Variants in RBP2 observed in about 807,000 individuals in gnomAD.
RBP2 encodes the protein retinol-binding protein 2.
In RBP2, 17 loss-of-function variants were observed where a neutral mutation model predicts 17.0. The observed-to-expected ratio is 1.00, with a 90% CI of 0.68 to 1.50. The LOEUF (loss-of-function observed/expected upper bound fraction) is 1.50. RBP2 is among the 40% of genes most tolerant of loss of function. The pLI is 0.00. For missense variants in RBP2, 158 were observed against 168.2 expected (o/e 0.94, Z 0.33); for synonymous variants, 48 against 57.1 (o/e 0.84, Z 0.72).
intron 2 of RBP2, among the ~76,000 whole-genome samples, chr3:139,460,647 C>T (rs1933154693): frequency 6.6e-6 from 1 of 152,136 alleles, no homozygotes; most frequent in Non-Finnish European, 1.5e-5. Flanking sequence ...GTGTGAGAGT[C>T]TCTGGGTAGT....
chr3:139,459,299 TAACCCCAGC>T (rs1933099848), intron 2 of RBP2, among the ~76,000 whole-genome samples: 1 of 151,844 alleles, frequency 6.6e-6, no homozygotes, highest in Non-Finnish European at 1.5e-5. Context: ...CTCACGCCTG[TAACCCCAGC>T]AGTTTTGGAG....
In RBP2 at chr3:139,462,188, C is replaced by G; in HGVS notation, c.176G>C (p.Arg59Pro). ...NFKTKTTSTF[R>P]NYDVDFTVGV... The stretch of plus-strand genomic sequence containing the variant: ...AACAGTGAAATCCACATCATAGTTG[C>G]GGAATGTGCTAGTGGTTTTTGTCTT... The change falls in exon 2 of 4, where the codon CGC (arginine) becomes CCC (proline). Residue 59 changes from arginine (R) to proline (P), a missense_variant. Physicochemically the swap from Arg to Pro is moderately radical, Grantham distance 103. Transcript: ENST00000232217. The G allele has an allele frequency of 6.2e-7, 1 of 1,614,052 alleles. No individual in the cohort carries two copies. The highest frequency in any genetic ancestry group is 2.2e-5 in the East Asian group (1 of 44,868).
Position 139,464,192 on chromosome 3 carries a change from G to T in RBP2, c.74-1902C>A, listed in dbSNP as rs564397204. ...TCCTTCTTTGGGTCTGGGCCTGGTG[G>T]CTCACGCCTGTAATCCCAGCACTTT... On this transcript the variant is annotated intron_variant, in intron 1 of 3. Transcript: ENST00000232217. Among the ~76,000 whole-genome samples the T allele has an allele frequency of 1.1e-3, 175 of 152,310 alleles. 1 individual carries two copies. Among genetic ancestry groups the T allele is most frequent in the African/African-American group, 4.1e-3 (170 of 41,566 alleles).
chr3:139,457,105 C>G (rs757440461), intron 2 of RBP2, among the ~76,000 whole-genome samples: 3 of 152,178 alleles, frequency 2.0e-5, no homozygotes, highest in Non-Finnish European at 4.4e-5. Flanking sequence ...CCTGTCTCCC[C>G]CAGTAGACAG....
In RBP2 at chr3:139,475,087, C is replaced by T. The variant is rs554494378; in HGVS notation, c.73+1300G>A. On this transcript the variant is annotated intron_variant, in intron 1 of 3. Transcript: ENST00000232217. The stretch of plus-strand genomic sequence containing the variant: ...CTGTAATCCCAGCACTTTGGGAGGC[C>T]GAGGCGGGTGGATCACAAGGTCAGG... Among the ~76,000 whole-genome samples, 4 of 151,980 alleles carry T rather than the reference C, an allele frequency of 2.6e-5. No individual in the cohort carries two copies. The East Asian group carries it at 7.8e-4, about 29-fold the overall frequency.
chr3:139,469,422 T>C (rs1933474339), intron 1 of RBP2, among the ~76,000 whole-genome samples: 1 of 152,138 alleles, frequency 6.6e-6, no homozygotes, highest in Non-Finnish European at 1.5e-5. Flanking sequence ...GCATGCTTAC[T>C]GGGATGGACA....
rs747524156 is a variant in RBP2 at position 139,476,511 on chromosome 3, C to T, written c.-52G>A. ...TTTGTGGTGGATGGCAAGGAGCAGGCTGCAGGGAGAATACACTGGAATGAG... is the reference window on the plus strand; with the variant it reads ...TTTGTGGTGGATGGCAAGGAGCAGGTTGCAGGGAGAATACACTGGAATGAG... On this transcript the variant is annotated 5_prime_UTR_variant, in exon 1 of 4. Coordinates refer to ENST00000232217, the MANE Select transcript of RBP2 (RefSeq NM_004164.3). 155 of 1,530,770 alleles carry T rather than the reference C, an allele frequency of 1.0e-4. No individual in the cohort carries two copies. Among genetic ancestry groups the T allele is most frequent in the Non-Finnish European group, 3.6e-6 (4 of 1,105,200 alleles). 94.8% of individuals were successfully genotyped at this position (1,530,770 alleles called of 1,614,324 possible).
At chr3:139,470,532 G>T (rs900136547) in intron 1 of RBP2, among the ~76,000 whole-genome samples, 1 of 151,744 alleles carries the variant, frequency 6.6e-6, no homozygotes, top group Non-Finnish European at 1.5e-5. Flanking sequence ...ATACAAAGAG[G>T]ATTAATTTGT....
Position 139,462,119 on chromosome 3 carries a change from T to G in RBP2, c.245A>C (p.His82Pro), listed in dbSNP as rs1933210260. ...DEYTKSLDNR[H>P]VKALVTWEGD... The stretch of plus-strand genomic sequence containing the variant: ...ACCAGCCCCGGTCAGTACCTTAACA[T>G]GCCGGTTATCCAGGCTCTTTGTGTA... The change falls in exon 2 of 4, where the codon CAT becomes CCT. Residue 82 changes from histidine to proline, a missense_variant. Transcript: ENST00000232217. 6.2e-7 allele frequency: 1 copy of G among 1,614,010 alleles called. No homozygotes were observed. Among genetic ancestry groups the G allele is most frequent in the Non-Finnish European group, 8.5e-7 (1 of 1,180,012 alleles).
chr3:139,456,844 T>A (rs1576419729), intron 2 of RBP2, among the ~76,000 whole-genome samples: 1 of 152,354 alleles, frequency 6.6e-6, no homozygotes, highest in East Asian at 1.9e-4. Flanking sequence ...AGGACCATCC[T>A]AAACCTCACA....
chr3:139,454,961 G>C, intron 2 of RBP2, 131 bp from the exon 3 acceptor site: 1 of 815,142 alleles, frequency 1.2e-6, no homozygotes, highest in Non-Finnish European at 2.0e-6. Context: ...CTCAGCCTCA[G>C]GGAGCCAAGA....
At chr3:139,463,070 C>T (rs370878242) in intron 1 of RBP2, among the ~76,000 whole-genome samples, 11 of 152,204 alleles carry the variant, frequency 7.2e-5, no homozygotes, top group South Asian at 2.1e-4. Context: ...TGAGCTCAAG[C>T]GATCCATGTG....
At chr3:139,471,858 C>A (rs1458406123) in intron 1 of RBP2, among the ~76,000 whole-genome samples, 1 of 152,210 alleles carries the variant, frequency 6.6e-6, no homozygotes, top group Non-Finnish European at 1.5e-5. Flanking sequence ...GTCTGCTGGT[C>A]TATTCACTCT....
intron 2 of RBP2, among the ~76,000 whole-genome samples, chr3:139,459,400 A>ATATATG (rs111417242): frequency 5.4e-5 from 7 of 128,552 alleles, no homozygotes; most frequent in Admixed American, 3.4e-4. Flanking sequence ...TACTATATAT[A>ATATATG]TGTGTGTGTG....
intron 1 of RBP2, among the ~76,000 whole-genome samples, chr3:139,465,940 G>T (rs551936071): frequency 1.4e-4 from 22 of 152,170 alleles, no homozygotes; most frequent in African/African-American, 5.3e-4. Flanking sequence ...ACGGTCTCTC[G>T]GCTGCCTTTG....
Position 139,476,489 on chromosome 3 carries a change from G to C in RBP2, c.-30C>G, listed in dbSNP as rs780636714. Reference sequence around the variant, plus strand: ...GTGGCCACTGGTTCGGTGAGGGTTTGTGGTGGATGGCAAGGAGCAGGCTGC... The same window carrying C: ...GTGGCCACTGGTTCGGTGAGGGTTTCTGGTGGATGGCAAGGAGCAGGCTGC... On this transcript the variant is annotated 5_prime_UTR_variant, in exon 1 of 4. Transcript: ENST00000232217. The C allele has an allele frequency of 6.2e-7, 1 of 1,601,586 alleles. No homozygotes were observed. The highest frequency in any genetic ancestry group is 8.6e-7 in the Non-Finnish European group (1 of 1,168,824).
intron 2 of RBP2, 59 bp from the exon 3 acceptor site, chr3:139,454,889 T>G (rs1206326757): frequency 6.6e-7 from 1 of 1,508,968 alleles, no homozygotes; most frequent in Non-Finnish European, 9.2e-7. Flanking sequence ...TGAACAAATC[T>G]AAACCTGCAG....
chr3:139,453,017 T>C lies in RBP2; in HGVS notation c.*99A>G. 7.1e-7 allele frequency: 1 copy of C among 1,399,560 alleles called. No individual in the cohort carries two copies. Among genetic ancestry groups the C allele is most frequent in the Non-Finnish European group, 1.0e-6 (1 of 986,666 alleles). 86.7% of individuals were successfully genotyped at this position (1,399,560 alleles called of 1,614,324 possible). A position where few individuals can be genotyped will look rare whatever the true frequency, so the allele number is the denominator to read the frequency against. On this transcript the variant is annotated 3_prime_UTR_variant, in exon 4 of 4. Transcript: ENST00000232217. ...ACCCAGATGCCTTAATGGGGCTCTGTCAAGAGTGGGAAGGTCCCCACAGCT... is the reference window on the plus strand; with the variant it reads ...ACCCAGATGCCTTAATGGGGCTCTGCCAAGAGTGGGAAGGTCCCCACAGCT...
intron 2 of RBP2, among the ~76,000 whole-genome samples, chr3:139,457,940 GTTAAAC>G (rs1383054009): frequency 3.9e-4 from 60 of 152,192 alleles, no homozygotes; most frequent in Non-Finnish European, 7.3e-4. Context: ...CTGTATCAAT[GTTAAAC>G]TTATAGAAGC....
Sources: allele counts gnomAD v4.1 joint callset (sites outside exome capture counted in the v4.1 genomes callset), GRCh38; gene constraint gnomAD v4.1.1; transcripts MANE v1.5; gene names NCBI Gene and HGNC (gene_info 2026-07-23, HGNC 2026-07-21).